The following ZC3H12B variants were observed in gnomAD, a reference collection of about 807,000 sequenced individuals.
The protein encoded by ZC3H12B is zinc finger CCCH-type containing 12B.
Under a neutral mutation model 43.9 loss-of-function variants are expected in ZC3H12B, and 7 were observed. The ratio of observed to expected loss-of-function variants is 0.16; its 90% CI spans 0.09 to 0.30. ZC3H12B has a LOEUF of 0.30. Ranked by LOEUF, ZC3H12B falls within the 10% of genes least tolerant of loss-of-function variation. ZC3H12B has a pLI of 1.00. For missense variants in ZC3H12B, 475 were observed against 670.2 expected (o/e 0.71, Z 3.22); for synonymous variants, 222 against 241.7 (o/e 0.92, Z 0.76).
chrX:65,227,534 G>C, the ZC3H12B span, among the ~76,000 whole-genome samples: 142 of 110,942 alleles, frequency 1.3e-3, no homozygotes, highest in African/African-American at 4.5e-3. Context: ...ACTAAAATCA[G>C]AGCAGAACTG....
chrX:65,381,102 C>T (rs1034872231), intron 2 of ZC3H12B, among the ~76,000 whole-genome samples: 5 of 111,322 alleles, frequency 4.5e-5, no homozygotes, highest in Non-Finnish European at 9.4e-5. Context: ...ACCAAGCGGA[C>T]CTAATAGACA....
chrX:65,231,145 C>T, the ZC3H12B span, among the ~76,000 whole-genome samples: 1 of 110,648 alleles, frequency 9.0e-6, no homozygotes, highest in South Asian at 3.9e-4. Context: ...TTGGTAGGAC[C>T]ATGATGACAA....
At chrX:65,061,637 G>T in the ZC3H12B span, among the ~76,000 whole-genome samples, 1 of 112,342 alleles carries the variant, frequency 8.9e-6, no homozygotes, top group Admixed American at 9.4e-5. Context: ...ACATGTGCAT[G>T]TGTCTTTATA....
chrX:65,386,557 C>T (rs2066529249), intron 2 of ZC3H12B, among the ~76,000 whole-genome samples: 1 of 111,190 alleles, frequency 9.0e-6, no homozygotes, highest in Non-Finnish European at 1.9e-5. Flanking sequence ...TTTAGTCTTG[C>T]TAGCAGTCTA....
At chrX:65,341,255 G>C in the ZC3H12B span, among the ~76,000 whole-genome samples, 1 of 111,907 alleles carries the variant, frequency 8.9e-6, no homozygotes, top group Non-Finnish European at 1.9e-5. Context: ...GAATGAGATG[G>C]GGAAAATGGA....
the ZC3H12B span, among the ~76,000 whole-genome samples, chrX:65,226,247 C>G: frequency 9.0e-6 from 1 of 111,345 alleles, no homozygotes; most frequent in African/African-American, 3.3e-5. Context: ...ATTTTCAACC[C>G]AGAATTTCAT....
At chrX:65,124,395 ATTT>A in the ZC3H12B span, among the ~76,000 whole-genome samples, 1 of 110,594 alleles carries the variant, frequency 9.0e-6, no homozygotes, top group African/African-American at 3.3e-5. Flanking sequence ...GTTTGCTGGT[ATTT>A]TTTTGAGGAT....
chrX:65,194,931 C>A, the ZC3H12B span, among the ~76,000 whole-genome samples: 2 of 111,735 alleles, frequency 1.8e-5, no homozygotes, highest in Non-Finnish European at 3.8e-5. Flanking sequence ...CCGTCTTTAT[C>A]TTTTTTGTAG....
chrX:65,321,709 G>A, the ZC3H12B span, among the ~76,000 whole-genome samples: 1 of 109,044 alleles, frequency 9.2e-6, no homozygotes, highest in Admixed American at 9.7e-5. Context: ...ACACCATGCA[G>A]CCGTAGAAGA....
intron 2 of ZC3H12B, among the ~76,000 whole-genome samples, chrX:65,390,808 T>C (rs1301890377): frequency 8.9e-6 from 1 of 112,012 alleles, no homozygotes; most frequent in Non-Finnish European, 1.9e-5. Context: ...TTCTCAAGGA[T>C]AGACCATATG....
At chrX:65,442,519 G>T (rs1045653183) in intron 3 of ZC3H12B, among the ~76,000 whole-genome samples, 1 of 110,900 alleles carries the variant, frequency 9.0e-6, no homozygotes, top group African/African-American at 3.3e-5. Flanking sequence ...CAGCCCAGCC[G>T]TCGACCCCCA....
chrX:65,274,500 T>C, the ZC3H12B span, among the ~76,000 whole-genome samples: 1 of 109,796 alleles, frequency 9.1e-6, no homozygotes, highest in Non-Finnish European at 1.9e-5. Flanking sequence ...AGGCTTTGAC[T>C]CTGGTTCTAC....
the ZC3H12B span, among the ~76,000 whole-genome samples, chrX:65,134,812 G>T: frequency 1.8e-5 from 2 of 111,499 alleles, no homozygotes; most frequent in South Asian, 7.5e-4. Context: ...TCTGAAAAGA[G>T]TCAGCAAAGG....
chrX:65,244,093 C>T, the ZC3H12B span, among the ~76,000 whole-genome samples: 1 of 111,119 alleles, frequency 9.0e-6, no homozygotes, highest in African/African-American at 3.3e-5. Context: ...TAATTTATTA[C>T]CTATTTCAAA....
chrX:65,040,967 C>T, the ZC3H12B span, among the ~76,000 whole-genome samples: 8 of 111,295 alleles, frequency 7.2e-5, no homozygotes, highest in African/African-American at 2.3e-4. Context: ...CAGTAGAGAC[C>T]GGGTTTCACC....
chrX:65,437,719 C>CT (rs374777591), intron 3 of ZC3H12B, among the ~76,000 whole-genome samples: 13,744 of 111,023 alleles, frequency 0.12, 2,075 homozygotes, highest in African/African-American at 0.42. Flanking sequence ...TTGACTCTTT[C>CT]TTTTTTTTCT....
At chrX:65,194,860 C>T in the ZC3H12B span, among the ~76,000 whole-genome samples, 26 of 111,797 alleles carry the variant, frequency 2.3e-4, no homozygotes, top group African/African-American at 8.4e-4. Flanking sequence ...GTGTTGGATG[C>T]ATATATATTT....
chrX:65,329,128 T>A, the ZC3H12B span, among the ~76,000 whole-genome samples: 2 of 111,479 alleles, frequency 1.8e-5, no homozygotes, highest in Admixed American at 1.9e-4. Flanking sequence ...CGCCACACTG[T>A]CTTCCACAAT....
chrX:65,270,667 G>GA, the ZC3H12B span, among the ~76,000 whole-genome samples: 821 of 104,986 alleles, frequency 7.8e-3, 18 homozygotes, highest in Admixed American at 0.053. Flanking sequence ...CAACTCAATA[G>GA]AAAAAAAAAA....
Sources: allele counts gnomAD v4.1 joint callset (sites outside exome capture counted in the v4.1 genomes callset), GRCh38; gene constraint gnomAD v4.1.1; transcripts MANE v1.5; gene names NCBI Gene and HGNC (gene_info 2026-07-23, HGNC 2026-07-21).